The following TRMT11 variants were observed in gnomAD, a reference collection of about 807,000 sequenced individuals.
TRMT11 encodes the protein tRNA (guanine(10)-N(2))-methyltransferase TRMT11.
Under a neutral mutation model 62.8 loss-of-function variants are expected in TRMT11, and 53 were observed. The ratio of observed to expected loss-of-function variants is 0.84; its 90% CI spans 0.68 to 1.06. TRMT11 has a LOEUF of 1.06. TRMT11 is among the 50% of genes least tolerant of loss of function. The pLI is 0.00. For synonymous variants in TRMT11, 188 were observed against 190.3 expected, an observed-to-expected ratio of 0.99 and a Z score of 0.10; for missense variants, 556 against 553.4, an observed-to-expected ratio of 1.00 and a Z score of -0.05.
chr6:126,265,766 C>A, the TRMT11 span, among the ~76,000 whole-genome samples: 1 of 152,126 alleles, frequency 6.6e-6, no homozygotes, highest in Non-Finnish European at 1.5e-5. Context: ...GAAACTTGAT[C>A]TTAGCATCAA....
chr6:126,159,126 C>T (rs1252795690), intron 21 of TRMT11, among the ~76,000 whole-genome samples: 1 of 152,112 alleles, frequency 6.6e-6, no homozygotes, highest in Non-Finnish European at 1.5e-5. Context: ...ATACACTTCT[C>T]AACCTCTCTT....
chr6:126,088,413 C>T (rs1000693951), intron 17 of TRMT11, among the ~76,000 whole-genome samples: 15 of 152,074 alleles, frequency 9.9e-5, no homozygotes, highest in Admixed American at 7.2e-4. Flanking sequence ...ATGGTAAGGC[C>T]GCTACTTAGA....
chr6:126,131,556 A>C (rs989618295), intron 21 of TRMT11, among the ~76,000 whole-genome samples: 1 of 151,980 alleles, frequency 6.6e-6, no homozygotes, highest in Non-Finnish European at 1.5e-5. Context: ...AAACGAGGCC[A>C]GACTGCCCCT....
intron 21 of TRMT11, among the ~76,000 whole-genome samples, chr6:126,170,773 T>C (rs940719028): frequency 2.0e-5 from 3 of 152,140 alleles, no homozygotes; most frequent in Admixed American, 2.0e-4. Context: ...AGGTTTAACT[T>C]TGCTGAAAAT....
intron 3 of TRMT11, among the ~76,000 whole-genome samples, chr6:126,200,690 G>A (rs896431318): frequency 6.6e-6 from 1 of 152,118 alleles, no homozygotes; most frequent in Admixed American, 6.5e-5. Flanking sequence ...AAGTAGCTGG[G>A]ACTACAGGCG....
At chr6:126,201,356 A>G (rs1778732572) in intron 3 of TRMT11, among the ~76,000 whole-genome samples, 1 of 152,268 alleles carries the variant, frequency 6.6e-6, no homozygotes, top group South Asian at 2.1e-4. Flanking sequence ...TTCCTTAGAT[A>G]GAACAAAGGT....
intron 12 of TRMT11, among the ~76,000 whole-genome samples, chr6:126,027,393 C>T (rs1194153908): frequency 6.6e-6 from 1 of 151,950 alleles, no homozygotes; most frequent in Non-Finnish European, 1.5e-5. Context: ...GAAATCTTTT[C>T]AAAAAATTCA....
Position 126,011,348 on chromosome 6 carries a change from G to A in TRMT11, c.856G>A (p.Val286Ile). ...TGGTTTAGAGAAGTATTACCTTGATGTCCTGGTTTCAGATGCATCTAAACC... is the reference window on the plus strand; with the variant it reads ...TGGTTTAGAGAAGTATTACCTTGATATCCTGGTTTCAGATGCATCTAAACC... Reference protein sequence around the residue: ...QYGLEKYYLDVLVSDASKPSW... With the variant: ...QYGLEKYYLDILVSDASKPSW... Residue 286 changes from valine to isoleucine, a missense_variant, in exon 9 of 13, where the codon GTC (valine) becomes ATC (isoleucine). By Grantham distance (29) the Val-to-Ile change is conservative (BLOSUM62 3). Coordinates refer to ENST00000334379, the MANE Select transcript of TRMT11 (RefSeq NM_001031712.3). 1 of 1,613,370 alleles carries A rather than the reference G, an allele frequency of 6.2e-7. No homozygotes were observed. Among genetic ancestry groups the A allele is most frequent in the Non-Finnish European group, 8.5e-7 (1 of 1,179,500 alleles).
chr6:126,221,731 C>G, the TRMT11 span, among the ~76,000 whole-genome samples: 1 of 152,108 alleles, frequency 6.6e-6, no homozygotes, highest in African/African-American at 2.4e-5. Flanking sequence ...GTTTCTGTTG[C>G]TGTATATAGT....
intron 21 of TRMT11, among the ~76,000 whole-genome samples, chr6:126,131,231 A>C (rs970880145): frequency 1.3e-5 from 2 of 152,084 alleles, no homozygotes; most frequent in African/African-American, 2.4e-5. Flanking sequence ...TATCCTGGAC[A>C]AGAGAATTGG....
chr6:125,987,927 G>C (rs1789932462), intron 1 of TRMT11, among the ~76,000 whole-genome samples: 2 of 152,214 alleles, frequency 1.3e-5, no homozygotes, highest in African/African-American at 4.8e-5. Flanking sequence ...ATCTGGACTA[G>C]TGATAAATAT....
chr6:126,095,847 C>CT (rs1236700417), intron 17 of TRMT11, among the ~76,000 whole-genome samples: 1 of 152,104 alleles, frequency 6.6e-6, no homozygotes, highest in Non-Finnish European at 1.5e-5. Context: ...AAGGAGAGAG[C>CT]TTTTTAAGTG....
intron 17 of TRMT11, among the ~76,000 whole-genome samples, chr6:126,068,174 A>G (rs548115816): frequency 1.3e-5 from 2 of 152,038 alleles, no homozygotes; most frequent in South Asian, 2.1e-4. Flanking sequence ...TTATTGTTTC[A>G]TAAGAGTTTT....
intron 11 of TRMT11, among the ~76,000 whole-genome samples, chr6:126,019,118 G>C (rs1266214671): frequency 1.3e-5 from 2 of 152,132 alleles, no homozygotes; most frequent in Non-Finnish European, 2.9e-5. Context: ...GACCTCAGGT[G>C]ATCCACCTGC....
chr6:126,152,931 C>T (rs1049906754), intron 21 of TRMT11, among the ~76,000 whole-genome samples: 1 of 152,160 alleles, frequency 6.6e-6, no homozygotes, highest in Non-Finnish European at 1.5e-5. Context: ...CACTGGTTTT[C>T]AGAGACCCGG....
At chr6:126,084,665 C>T (rs1406241266) in intron 17 of TRMT11, among the ~76,000 whole-genome samples, 1 of 152,120 alleles carries the variant, frequency 6.6e-6, no homozygotes, top group Non-Finnish European at 1.5e-5. Context: ...CTTTTCCTCT[C>T]TTCTAAGAAA....
At chr6:126,239,567 G>A in the TRMT11 span, among the ~76,000 whole-genome samples, 164 of 152,184 alleles carry the variant, frequency 1.1e-3, no homozygotes, top group Middle Eastern at 6.8e-3. Context: ...GAGTTTCTGC[G>A]GCGAGATCAG....
Position 125,998,552 on chromosome 6 carries a change from A to G in TRMT11, c.390A>G (p.Ala130=), listed in dbSNP as rs772916886. 1.5e-5 allele frequency: 24 copies of G among 1,611,132 alleles called. No individual in the cohort carries two copies. Among genetic ancestry groups the G allele is most frequent in the African/African-American group, 4.0e-5 (3 of 74,796 alleles). ...AGCATTTCTTTTGTTTCTTTTAGGC[A>G]CTTGAATTTCTGCCATTTGAAGGAA... ...TQEEKIKRID[A]LEFLPFEGKV... The change falls in exon 6 of 13, where the codon GCA becomes GCG. Residue 130 remains alanine (A), a splice_region_variant and synonymous_variant. Coordinates refer to ENST00000334379, the MANE Select transcript of TRMT11 (RefSeq NM_001031712.3).
chr6:126,165,299 A>G lies in TRMT11; in HGVS notation c.*1824-9526A>G, dbSNP rs1583895699. 7.3e-5 allele frequency among the ~76,000 whole-genome samples: 11 copies of G among 150,764 alleles called. No homozygotes were observed. The South Asian group carries it at 2.3e-3, about 32-fold the overall frequency. ...CCTCAAAAAAAAAAAAAAAATTGCT[A>G]TGTGTGAATTTGATCCTGTCATTAT... On this transcript the variant is annotated intron_variant and NMD_transcript_variant, in intron 21 of 22. Transcript: ENST00000648977.
Sources: allele counts gnomAD v4.1 joint callset (sites outside exome capture counted in the v4.1 genomes callset), GRCh38; gene constraint gnomAD v4.1.1; transcripts MANE v1.5; gene names NCBI Gene and HGNC (gene_info 2026-07-23, HGNC 2026-07-21).